Variants in MIS18BP1 observed in about 807,000 individuals in gnomAD.
The protein encoded by MIS18BP1 is MIS18 binding protein 1.
A neutral mutation model predicts 116.1 loss-of-function variants in MIS18BP1; 72 were observed. The ratio of observed to expected loss-of-function variants is 0.62; its 90% CI spans 0.51 to 0.75. The LOEUF (loss-of-function observed/expected upper bound fraction) is 0.75. Among genes scored for constraint, MIS18BP1 ranks in the 30% least tolerant of loss-of-function variants. The pLI is 0.00. For missense variants in MIS18BP1, 1,363 were observed against 1,303.2 expected (o/e 1.05, Z -0.71); for synonymous variants, 386 against 427.0 (o/e 0.90, Z 1.18).
In MIS18BP1 at chr14:45,242,222, T is replaced by C. The variant is rs780938905; in HGVS notation, c.955A>G (p.Lys319Glu). ...GGCACTGTTTTTCCATTTCCTTCCT[T>C]AACTTTCTGTTGCGAAGTCCCTTCT... is the stretch of plus-strand genomic sequence containing the variant. ...TTEGTSQQKV[K>E]EGNGKTVPGE... The change falls in exon 4 of 17, where the codon AAG becomes GAG. Residue 319 changes from lysine to glutamate, a missense_variant. Lys to Glu is a moderately conservative substitution (Grantham distance 56, BLOSUM62 1). Coordinates refer to ENST00000310806, the MANE Select transcript of MIS18BP1 (RefSeq NM_018353.5). 2.5e-6 allele frequency: 4 copies of C among 1,614,180 alleles called. No individual in the cohort carries two copies. The highest frequency in any genetic ancestry group is 1.7e-4 in the Middle Eastern group (1 of 6,060).
chr14:45,205,391 G>T (rs1458126894), intron 15 of MIS18BP1, among the ~76,000 whole-genome samples: 1 of 152,076 alleles, frequency 6.6e-6, no homozygotes, highest in Non-Finnish European at 1.5e-5. Context: ...CATTCTCGAA[G>T]ATTAGCTACT....
chr14:45,240,534 A>G (rs1891546891), intron 4 of MIS18BP1, among the ~76,000 whole-genome samples: 1 of 151,938 alleles, frequency 6.6e-6, no homozygotes, highest in South Asian at 2.1e-4. Context: ...TAGCTCTCCA[A>G]TATGTTTCCA....
In MIS18BP1 at chr14:45,224,732, A is replaced by G. The variant is rs781750142; in HGVS notation, c.1855T>C (p.Leu619=). 1.3e-5 allele frequency: 20 copies of G among 1,571,590 alleles called. No individual in the cohort carries two copies. Among genetic ancestry groups the G allele is most frequent in the Admixed American group, 2.1e-5 (1 of 48,550 alleles). Residue 619 remains leucine (L), a synonymous_variant, in exon 11 of 17, where the codon TTG becomes CTG. Transcript: ENST00000310806. ...GTTAGAATATCAATGGATACATCCA[A>G]TTCTTCAGTTGTCTCTTTAATTTCA... is the stretch of plus-strand genomic sequence containing the variant. ...KSQKQETTEE[L]DVSIDILTSR... is the part of the protein sequence containing the mutation.
chr14:45,248,121 A>T (rs1891775762), intron 1 of MIS18BP1, among the ~76,000 whole-genome samples: 1 of 140,228 alleles, frequency 7.1e-6, no homozygotes, highest in Admixed American at 7.7e-5. Flanking sequence ...GCTGGAGTGC[A>T]GTGGTGATCT....
intron 1 of MIS18BP1, among the ~76,000 whole-genome samples, chr14:45,249,426 G>C (rs1891810119): frequency 6.6e-6 from 1 of 151,960 alleles, no homozygotes; most frequent in Admixed American, 6.6e-5. Flanking sequence ...TCCCTATGTT[G>C]CCCAGGTTAG....
chr14:45,233,083 A>G (rs1891333231), intron 6 of MIS18BP1, among the ~76,000 whole-genome samples: 1 of 152,198 alleles, frequency 6.6e-6, no homozygotes, highest in African/African-American at 2.4e-5. Flanking sequence ...GACGGTGGAC[A>G]GGTGTATCGA....
intron 5 of MIS18BP1, among the ~76,000 whole-genome samples, chr14:45,236,987 A>G (rs905357947): frequency 1.3e-5 from 2 of 151,788 alleles, no homozygotes; most frequent in South Asian, 4.2e-4. Flanking sequence ...ATAAACTTAC[A>G]TATGAGTACC....
intron 1 of MIS18BP1, among the ~76,000 whole-genome samples, chr14:45,248,055 G>GTTTTTTTTTTTTTTTTTTCTTTT (rs1891770951): frequency 9.2e-6 from 1 of 109,240 alleles, no homozygotes; most frequent in Non-Finnish European, 1.9e-5. Context: ...TGTTTCTTTC[G>GTTTTTTTTTTTTTTTTTTCTTTT]TTTTTTTTTT....
rs751929489 is a variant in MIS18BP1 at position 45,224,377 on chromosome 14, A to G, written c.2210T>C (p.Leu737Pro). The stretch of plus-strand genomic sequence containing the variant: ...GGTATTTTTCTTAAAGTCAGAGGTG[A>G]GCATTTGTTCCTTTTCAAGGTTAGA... ...KISNLEKEQMLTSDFKKNTRL... is the reference protein window; with the variant it reads ...KISNLEKEQMPTSDFKKNTRL... Residue 737 changes from leucine to proline, a missense_variant, in exon 11 of 17, where the codon CTC becomes CCC. Coordinates refer to ENST00000310806, the MANE Select transcript of MIS18BP1 (RefSeq NM_018353.5). 6.2e-7 allele frequency: 1 copy of G among 1,613,436 alleles called. No individual in the cohort carries two copies. The highest frequency in any genetic ancestry group is 1.3e-5 in the African/African-American group (1 of 74,978).
At chr14:45,218,226 G>C (rs1890874687) in intron 12 of MIS18BP1, 56 bp downstream of exon 12, 1 of 1,479,562 alleles carries the variant, frequency 6.8e-7, no homozygotes, top group South Asian at 1.2e-5. Context: ...TCTGATTTCA[G>C]TGATCAGAAA....
chr14:45,235,332 T>G (rs1436273823), intron 6 of MIS18BP1, among the ~76,000 whole-genome samples: 2 of 152,114 alleles, frequency 1.3e-5, no homozygotes, highest in Non-Finnish European at 2.9e-5. Flanking sequence ...CAGGCTTATT[T>G]ATCCACAGCT....
At chr14:45,250,112 GCTTT>G (rs997119151) in intron 1 of MIS18BP1, 66 of 152,242 alleles carry the variant, frequency 4.3e-4, no homozygotes, top group African/African-American at 1.5e-3. Flanking sequence ...CCAAAACAGA[GCTTT>G]CTGTTTCCTA....
At chr14:45,208,732 CTAAAAA>C (rs1425653760) in intron 14 of MIS18BP1, among the ~76,000 whole-genome samples, 1 of 152,216 alleles carries the variant, frequency 6.6e-6, no homozygotes, top group African/African-American at 2.4e-5. Context: ...GCACTAAATA[CTAAAAA>C]TAATTTTTAG....
chr14:45,231,841 G>A (rs961880550), intron 7 of MIS18BP1, among the ~76,000 whole-genome samples: 1 of 151,996 alleles, frequency 6.6e-6, no homozygotes, highest in African/African-American at 2.4e-5. Context: ...CTCCACAAGG[G>A]CAAGAATAAA....
chr14:45,224,263 TCTTCA>T lies in MIS18BP1; in HGVS notation c.2319_2323del (p.Ser773ArgfsTer3). The stretch of plus-strand genomic sequence containing the variant: ...TTTAATTTCCTTTTCTGTTTCACTT[TCTTCA>T]CTTGACAAATCTGGTGAGGACTGAT... On this transcript the variant is annotated frameshift_variant, in exon 11 of 17. Coordinates refer to ENST00000310806, the MANE Select transcript of MIS18BP1 (RefSeq NM_018353.5). LOFTEE classifies it high-confidence loss of function. 6.2e-6 allele frequency: 10 copies of T among 1,613,918 alleles called. No homozygotes were observed. The highest frequency in any genetic ancestry group is 7.6e-6 in the Non-Finnish European group (9 of 1,179,980).
chr14:45,241,766 G>A (rs556227395), intron 4 of MIS18BP1: 24 of 278,724 alleles, frequency 8.6e-5, no homozygotes, highest in African/African-American at 5.1e-4. Flanking sequence ...AAAGGAACAA[G>A]TAAATTATTG....
intron 11 of MIS18BP1, among the ~76,000 whole-genome samples, chr14:45,218,668 G>C (rs1461071895): frequency 2.6e-5 from 4 of 151,122 alleles, no homozygotes; most frequent in African/African-American, 9.7e-5. Context: ...TACCTATCTA[G>C]TAGATGTCTT....
At chr14:45,228,275 A>G (rs1157964886) in intron 8 of MIS18BP1, among the ~76,000 whole-genome samples, 3 of 152,266 alleles carry the variant, frequency 2.0e-5, no homozygotes, top group South Asian at 4.1e-4. Context: ...GCGCTACGCT[A>G]CATTTTGTTT....
At chr14:45,209,212 A>G (rs551687621) in intron 14 of MIS18BP1, among the ~76,000 whole-genome samples, 1 of 152,308 alleles carries the variant, frequency 6.6e-6, no homozygotes, top group Admixed American at 6.5e-5. Flanking sequence ...ATATATGCAT[A>G]CATACATATA....
Sources: gnomAD v4.1 joint callset for allele counts (sites outside exome capture counted in the v4.1 genomes callset) on GRCh38, gnomAD v4.1.1 for gene constraint, MANE v1.5 for transcripts, NCBI Gene and HGNC (gene_info 2026-07-23, HGNC 2026-07-21) for gene names.